Variants in SAMD3 observed in about 807,000 individuals in gnomAD.
SAMD3 encodes the protein sterile alpha motif domain-containing protein 3.
In SAMD3, 63 loss-of-function variants were observed where a neutral mutation model predicts 58.5. That is an observed-to-expected ratio of 1.08 (90% CI 0.88 to 1.33). The LOEUF (loss-of-function observed/expected upper bound fraction) is 1.33. SAMD3 is among the 40% of genes most tolerant of loss of function. The pLI is 0.00. For missense variants in SAMD3, 604 were observed against 608.4 expected (o/e 0.99, Z 0.08); for synonymous variants, 220 against 210.3 (o/e 1.05, Z -0.40).
chr6:130,287,693 C>T (rs1433116222), intron 2 of SAMD3, among the ~76,000 whole-genome samples: 2 of 152,038 alleles, frequency 1.3e-5, no homozygotes, highest in Non-Finnish European at 2.9e-5. Context: ...CACCTATAAT[C>T]CCAGCACTTT....
chr6:130,178,169 T>C (rs914775819), intron 7 of SAMD3, among the ~76,000 whole-genome samples: 2 of 150,468 alleles, frequency 1.3e-5, no homozygotes, highest in African/African-American at 4.9e-5. Flanking sequence ...AGAGACGAGG[T>C]TTCTCCATGT....
chr6:130,266,143 A>G (rs1011227871), intron 2 of SAMD3, among the ~76,000 whole-genome samples: 1 of 152,218 alleles, frequency 6.6e-6, no homozygotes, highest in African/African-American at 2.4e-5. Flanking sequence ...TCTTCAAGTA[A>G]ATATCGTGGT....
At chr6:130,270,131 G>A (rs1241334899) in intron 2 of SAMD3, among the ~76,000 whole-genome samples, 3 of 152,082 alleles carry the variant, frequency 2.0e-5, no homozygotes, top group African/African-American at 7.2e-5. Context: ...TCACTCTGTT[G>A]CCCAGGCTGG....
intron 2 of SAMD3, among the ~76,000 whole-genome samples, chr6:130,260,835 G>A (rs62431222): frequency 0.027 from 4,041 of 152,326 alleles, 83 homozygotes; most frequent in Non-Finnish European, 0.041. Flanking sequence ...GCTGAACACC[G>A]GGAAGGAACT....
chr6:130,341,015 C>T (rs1009493876), intron 1 of SAMD3, among the ~76,000 whole-genome samples: 4 of 152,142 alleles, frequency 2.6e-5, no homozygotes, highest in African/African-American at 9.7e-5. Flanking sequence ...AAAAGGTTTT[C>T]AGTACATTTA....
At chr6:130,304,891 G>T (rs1057389531) in intron 2 of SAMD3, among the ~76,000 whole-genome samples, 11 of 135,542 alleles carry the variant, frequency 8.1e-5, no homozygotes, top group African/African-American at 1.1e-4. Context: ...TTTTTACTTA[G>T]TTGCTACTAT....
intron 2 of SAMD3, among the ~76,000 whole-genome samples, chr6:130,245,034 T>C (rs369841235): frequency 9.9e-5 from 15 of 152,238 alleles, no homozygotes; most frequent in African/African-American, 3.6e-4. Flanking sequence ...TGAATTCTTA[T>C]ACATGGTGAA....
Position 130,228,939 on chromosome 6 carries a change from T to C in SAMD3, c.-187-6126A>G, listed in dbSNP as rs75682864. 7.0e-3 allele frequency among the ~76,000 whole-genome samples: 1,063 copies of C among 152,336 alleles called. 15 individuals are homozygous for C. Among genetic ancestry groups the C allele is most frequent in the African/African-American group, 0.023 (940 of 41,572 alleles). On this transcript the variant is annotated intron_variant, in intron 2 of 13. Transcript: ENST00000368134. ...AATACATTATTACAGGTGTTTCTGG[T>C]TTTTATAAACAAAAGCTTGAGCCTT... is the stretch of plus-strand genomic sequence containing the variant.
At chr6:130,307,600 G>A (rs1267173882) in intron 2 of SAMD3, among the ~76,000 whole-genome samples, 1 of 152,138 alleles carries the variant, frequency 6.6e-6, no homozygotes, top group African/African-American at 2.4e-5. Context: ...ACAAACCATG[G>A]GGAAAATAGA....
intron 2 of SAMD3, among the ~76,000 whole-genome samples, chr6:130,237,651 AATGTTACC>A (rs1360360599): frequency 2.0e-5 from 3 of 152,308 alleles, no homozygotes; most frequent in African/African-American, 7.2e-5. Flanking sequence ...CTTTGAAGTC[AATGTTACC>A]ATCCTTATTG....
At chr6:130,269,563 C>A (rs1389746022) in intron 2 of SAMD3, among the ~76,000 whole-genome samples, 2 of 152,032 alleles carry the variant, frequency 1.3e-5, no homozygotes, top group African/African-American at 4.8e-5. Context: ...AGTAATATCC[C>A]TGGTTTCCAT....
At chr6:130,329,257 A>G (rs1438706409) in intron 1 of SAMD3, among the ~76,000 whole-genome samples, 2 of 111,214 alleles carry the variant, frequency 1.8e-5, no homozygotes, top group African/African-American at 6.2e-5. Context: ...GAATCAATGA[A>G]TCTCAAAAAA....
At chr6:130,218,082 T>C (rs760526697) in intron 1 of SAMD3, among the ~76,000 whole-genome samples, 3 of 152,196 alleles carry the variant, frequency 2.0e-5, no homozygotes, top group African/African-American at 4.8e-5. Context: ...TAGGACTCTC[T>C]CTTTAGTTCA....
intron 7 of SAMD3, 63 bp from the exon 8 acceptor site, chr6:130,176,071 C>T (rs879406210): frequency 3.2e-5 from 41 of 1,300,838 alleles, no homozygotes; most frequent in African/African-American, 7.3e-5. Context: ...ATAAACAATA[C>T]GTCTATACAA....
At chr6:130,228,791 A>T (rs1582979405) in intron 2 of SAMD3, among the ~76,000 whole-genome samples, 1 of 152,186 alleles carries the variant, frequency 6.6e-6, no homozygotes, top group Non-Finnish European at 1.5e-5. Context: ...TACTGGGCAG[A>T]GGGATTTCTA....
intron 2 of SAMD3, among the ~76,000 whole-genome samples, chr6:130,291,028 C>A (rs4897405): frequency 6.6e-6 from 1 of 151,986 alleles, no homozygotes; most frequent in East Asian, 1.9e-4. Flanking sequence ...TCTGTCAGAC[C>A]TTTCATTCTG....
chr6:130,332,764 TAGCTG>T (rs1562526724), intron 1 of SAMD3, among the ~76,000 whole-genome samples: 1 of 152,130 alleles, frequency 6.6e-6, no homozygotes, highest in Non-Finnish European at 1.5e-5. Flanking sequence ...GAGAAAGAAT[TAGCTG>T]AGGGAACCCT....
intron 2 of SAMD3, among the ~76,000 whole-genome samples, chr6:130,259,275 T>C (rs1172597067): frequency 1.3e-5 from 2 of 152,158 alleles, no homozygotes; most frequent in South Asian, 2.1e-4. Flanking sequence ...AGTTCAAAAT[T>C]GGGCATCTGC....
chr6:130,148,605 G>T (rs1302494226), intron 9 of SAMD3, among the ~76,000 whole-genome samples: 2 of 152,200 alleles, frequency 1.3e-5, no homozygotes, highest in Non-Finnish European at 2.9e-5. Context: ...AGGCACTGTG[G>T]CTCATGCCTA....
Sources: allele counts gnomAD v4.1 joint callset (sites outside exome capture counted in the v4.1 genomes callset), GRCh38; gene constraint gnomAD v4.1.1; transcripts MANE v1.5; gene names NCBI Gene and HGNC (gene_info 2026-07-23, HGNC 2026-07-21).